SP6: variants seen among roughly 807,000 people sequenced by gnomAD.
SP6 encodes the protein transcription factor Sp6.
In SP6, 10 loss-of-function variants were observed where a neutral mutation model predicts 23.4. The observed-to-expected ratio is 0.43, with a 90% CI of 0.26 to 0.72. The LOEUF (loss-of-function observed/expected upper bound fraction) is 0.72, where lower values mean the gene tolerates loss of function less well. Ranked by LOEUF, SP6 falls within the 30% of genes least tolerant of loss-of-function variation. The probability of loss-of-function intolerance (pLI) is 0.23; values close to 1 mark genes in which losing one functional copy is unlikely to be tolerated. For synonymous variants in SP6, 238 were observed against 238.7 expected (o/e 1.00, Z 0.03); for missense variants, 482 against 523.8 (o/e 0.92, Z 0.78).
At chr17:47,872,901 A>G in the SP6 span, among the ~76,000 whole-genome samples, 1 of 152,194 alleles carries the variant, frequency 6.6e-6, no homozygotes, top group Non-Finnish European at 1.5e-5. Context: ...CCCCACAGGG[A>G]AGCGAGAATG....
At chr17:47,860,074 C>T (rs1167754120), upstream of SP6, among the ~76,000 whole-genome samples, 2 of 152,130 alleles carry the variant, frequency 1.3e-5, no homozygotes, top group African/African-American at 4.8e-5. Context: ...CACTCTTAGG[C>T]CTAGGATTGA....
the SP6 span, among the ~76,000 whole-genome samples, chr17:47,872,265 T>G: frequency 5.3e-5 from 8 of 151,878 alleles, no homozygotes; most frequent in African/African-American, 1.9e-4. Flanking sequence ...GAGGTCCGGG[T>G]TGGGGATGTA....
chr17:47,848,616 T>G lies in SP6; in HGVS notation c.-57-130A>C. ...TCTGAACGAGGACTAGAGATGAGTTTAGAGAATTCGGGAGTGCGAGGAAGG... is the reference window on the plus strand; with the variant it reads ...TCTGAACGAGGACTAGAGATGAGTTGAGAGAATTCGGGAGTGCGAGGAAGG... On this transcript the variant is annotated intron_variant, in intron 1 of 1. Transcript: ENST00000536300. The surrounding 1 kb of genome is among the most constrained non-coding windows in gnomAD (Gnocchi z 5.3). 1 of 568,094 alleles carries G rather than the reference T, an allele frequency of 1.8e-6. No homozygotes were observed. Among genetic ancestry groups the G allele is most frequent in the Non-Finnish European group, 3.1e-6 (1 of 323,494 alleles). The allele number at this position is 568,094 out of a possible 1,614,324, so 35.2% of individuals were successfully genotyped here.
At chr17:47,854,702 A>G (rs376721006), upstream of SP6, among the ~76,000 whole-genome samples, 12 of 152,336 alleles carry the variant, frequency 7.9e-5, no homozygotes, top group East Asian at 2.3e-3. Flanking sequence ...AGATTGCACT[A>G]TGAGAATATC....
chr17:47,872,898 G>A, the SP6 span, among the ~76,000 whole-genome samples: 1 of 152,334 alleles, frequency 6.6e-6, no homozygotes, highest in South Asian at 2.1e-4. Context: ...GGACCCCACA[G>A]GGAAGCGAGA....
At chr17:47,872,475 G>A in the SP6 span, among the ~76,000 whole-genome samples, 1 of 152,224 alleles carries the variant, frequency 6.6e-6, no homozygotes, top group Non-Finnish European at 1.5e-5. Flanking sequence ...GGGTGAGTAA[G>A]GCCCAGCGGA....
the SP6 span, among the ~76,000 whole-genome samples, chr17:47,870,591 A>C: frequency 1.3e-5 from 2 of 152,104 alleles, no homozygotes; most frequent in Admixed American, 6.5e-5. Context: ...ACCTGTCTGG[A>C]GACAGGGAGA....
chr17:47,845,022 C>T lies in SP6; in HGVS notation c.*2277G>A, dbSNP rs777582877. 1 of 152,506 alleles carries T rather than the reference C, an allele frequency of 6.6e-6. No homozygotes were observed. The highest frequency in any genetic ancestry group is 1.5e-5 in the Non-Finnish European group (1 of 68,018). 9.4% of individuals were successfully genotyped at this position (152,506 alleles called of 1,614,324 possible). ...GAAAAAATAAATTCCTACATTTTTC[C>T]TCTAGGGGGACTGCCTAGAAAGACA... On this transcript the variant is annotated 3_prime_UTR_variant, in exon 2 of 2. Transcript: ENST00000536300.
At chr17:47,871,712 G>A in the SP6 span, among the ~76,000 whole-genome samples, 1 of 151,498 alleles carries the variant, frequency 6.6e-6, no homozygotes, top group African/African-American at 2.4e-5. Flanking sequence ...TCTGCCTCCC[G>A]GATTCAAGCG....
At position 47,846,725 on chromosome 17, in the gene SP6, C is replaced by T. The variant is rs2033888805; in HGVS notation, c.*574G>A. 1 of 152,288 alleles carries T rather than the reference C, an allele frequency of 6.6e-6. No individual in the cohort carries two copies. Among genetic ancestry groups the T allele is most frequent in the Non-Finnish European group, 1.5e-5 (1 of 68,106 alleles). 9.4% of individuals were successfully genotyped at this position (152,288 alleles called of 1,614,324 possible). A position where few individuals can be genotyped will look rare whatever the true frequency, so the allele number is the denominator to read the frequency against. ...AAGGAGTTATTTTTACAGCAACAAC[C>T]CTCCAAACCAGAAAGAGACACCCCT... On this transcript the variant is annotated 3_prime_UTR_variant, in exon 2 of 2. Coordinates refer to ENST00000536300, the MANE Select transcript of SP6 (RefSeq NM_001258248.2).
At chr17:47,872,022 C>T in the SP6 span, among the ~76,000 whole-genome samples, 3 of 152,210 alleles carry the variant, frequency 2.0e-5, no homozygotes, top group Non-Finnish European at 2.9e-5. Context: ...ATCTATTTCT[C>T]TGTCTCCCTC....
In SP6 at chr17:47,845,348, C is replaced by A. The variant is rs1335229182; in HGVS notation, c.*1951G>T. The A allele has an allele frequency of 2.6e-5, 4 of 152,210 alleles. No homozygotes were observed. The highest frequency in any genetic ancestry group is 9.7e-5 in the African/African-American group (4 of 41,430). 9.4% of individuals were successfully genotyped at this position (152,210 alleles called of 1,614,324 possible). ...GCAGGCACTGCCAAATCTCCTCCTG[C>A]CCCCAACCCTCTCAGCAAGGAAGGG... On this transcript the variant is annotated 3_prime_UTR_variant, in exon 2 of 2. Transcript: ENST00000536300.
At chr17:47,849,976 A>G (rs1432601935) in intron 1 of SP6, among the ~76,000 whole-genome samples, 2 of 152,112 alleles carry the variant, frequency 1.3e-5, no homozygotes, top group Non-Finnish European at 2.9e-5. Flanking sequence ...GGTGGCACTG[A>G]TAGCCTGGGA....
At chr17:47,876,028 T>C in the SP6 span, among the ~76,000 whole-genome samples, 1 of 152,130 alleles carries the variant, frequency 6.6e-6, no homozygotes. Context: ...ACCTGCCCTG[T>C]TGCCAAAAAA....
the SP6 span, among the ~76,000 whole-genome samples, chr17:47,866,125 G>GA: frequency 1.4e-4 from 22 of 152,126 alleles, no homozygotes; most frequent in African/African-American, 5.3e-4. Context: ...CTGGGAATTG[G>GA]GGGAAATATA....
chr17:47,847,871 C>A lies in SP6; in HGVS notation c.559G>T (p.Asp187Tyr). ...GCTACTTCCAAGGCCTTAGCCCCGT[C>A]GGGCGGCCCTAGGAGATGCTGCCCT... is the stretch of plus-strand genomic sequence containing the variant. ...AGGQHLLGPPDGAKALEVAAP... is the reference protein window; with the variant it reads ...AGGQHLLGPPYGAKALEVAAP... The change falls in exon 2 of 2, where the codon GAC becomes TAC. Residue 187 changes from aspartate (D) to tyrosine (Y), a missense_variant. Asp to Tyr is a radical substitution (Grantham distance 160). This residue lies in a region of SP6 where 330 missense variants were observed against 332.3 expected (regional missense o/e 0.99). Transcript: ENST00000536300. 6.5e-7 allele frequency: 1 copy of A among 1,540,120 alleles called. No individual in the cohort carries two copies.
the SP6 span, among the ~76,000 whole-genome samples, chr17:47,871,737 G>A: frequency 6.6e-6 from 1 of 151,994 alleles, no homozygotes; most frequent in Admixed American, 6.5e-5. Flanking sequence ...TCCTGCCTCG[G>A]CCTCCCGAGT....
chr17:47,846,923 C>T lies in SP6; in HGVS notation c.*376G>A, dbSNP rs1259216139. On this transcript the variant is annotated 3_prime_UTR_variant, in exon 2 of 2. Transcript: ENST00000536300. ...GACGTGTCCAGACAGCCACCACCAG[C>T]GCCCCGGGCCGGCCCCACTTCTCTC... 9.8e-6 allele frequency: 2 copies of T among 203,764 alleles called. No individual in the cohort carries two copies. The highest frequency in any genetic ancestry group is 2.0e-5 in the Non-Finnish European group (2 of 102,320). 12.6% of individuals were successfully genotyped at this position (203,764 alleles called of 1,614,324 possible).
chr17:47,851,070 A>C lies in SP6; in HGVS notation c.-209T>G, dbSNP rs903900595. ...GCTGGCGGCAGGCGGCAGGCGGCGG[A>C]GGTGAGCGCTGGCGAGAGGGCGGAG... is the stretch of plus-strand genomic sequence containing the variant. On this transcript the variant is annotated 5_prime_UTR_variant, in exon 1 of 2. Transcript: ENST00000536300. 1 of 152,876 alleles carries C rather than the reference A, an allele frequency of 6.5e-6. No homozygotes were observed. Among genetic ancestry groups the C allele is most frequent in the African/African-American group, 2.4e-5 (1 of 41,432 alleles). 9.5% of individuals were successfully genotyped at this position (152,876 alleles called of 1,614,324 possible). A position where few individuals can be genotyped will look rare whatever the true frequency, so the allele number is the denominator to read the frequency against.
Sources: allele counts gnomAD v4.1 joint callset (sites outside exome capture counted in the v4.1 genomes callset), GRCh38; gene constraint gnomAD v4.1.1; regional missense constraint gnomAD v4.1.1; non-coding constraint Gnocchi (gnomAD v3.1); transcripts MANE v1.5; gene names NCBI Gene and HGNC (gene_info 2026-07-23, HGNC 2026-07-21).